The following PLCL1 variants were observed in gnomAD, a reference collection of about 807,000 sequenced individuals.
PLCL1 encodes inactive phospholipase C-like protein 1.
Under a neutral mutation model 84.4 loss-of-function variants are expected in PLCL1, and 41 were observed. The ratio of observed to expected loss-of-function variants is 0.49; its 90% CI spans 0.38 to 0.63. The LOEUF (loss-of-function observed/expected upper bound fraction) is 0.63, where lower values mean the gene tolerates loss of function less well. Among genes scored for constraint, PLCL1 ranks in the 30% least tolerant of loss-of-function variants. The pLI, the probability that PLCL1 is intolerant of heterozygous loss-of-function variation, is 0.00. For synonymous variants in PLCL1, 490 were observed against 488.3 expected (o/e 1.00, Z -0.05); for missense variants, 1,206 against 1,367.8 (o/e 0.88, Z 1.87).
chr2:197,997,452 C>A (rs1690494128), intron 1 of PLCL1, among the ~76,000 whole-genome samples: 1 of 152,180 alleles, frequency 6.6e-6, no homozygotes, highest in South Asian at 2.1e-4. Flanking sequence ...GTTATCATAA[C>A]CTGCAGCCAC....
chr2:198,099,186 G>A (rs1235614895), intron 3 of PLCL1, among the ~76,000 whole-genome samples: 1 of 152,068 alleles, frequency 6.6e-6, no homozygotes, highest in African/African-American at 2.4e-5. Flanking sequence ...GAGTCGTGCT[G>A]ACTTCCCGGC....
chr2:198,004,471 A>G (rs1690679556), intron 1 of PLCL1, among the ~76,000 whole-genome samples: 1 of 152,236 alleles, frequency 6.6e-6, no homozygotes, highest in African/African-American at 2.4e-5. Context: ...CTTACTTCCA[A>G]CATTAATTCT....
chr2:198,001,131 T>C (rs1045108372), intron 1 of PLCL1, among the ~76,000 whole-genome samples: 2 of 152,160 alleles, frequency 1.3e-5, no homozygotes, highest in Non-Finnish European at 1.5e-5. Flanking sequence ...GTAACCTACA[T>C]AGAATACCTG....
At chr2:198,067,729 T>C (rs1211471858) in intron 1 of PLCL1, among the ~76,000 whole-genome samples, 1 of 152,222 alleles carries the variant, frequency 6.6e-6, no homozygotes, top group Non-Finnish European at 1.5e-5. Flanking sequence ...TGTTGTTCAG[T>C]CTCCTGTGTC....
rs113375419 is a variant in PLCL1, at chr2:198,139,935, CT to C, written c.3106-6833del. Reference sequence around the variant, plus strand: ...AGAATTTGAAACATTAAATTTCATACTTTTTTTTTTTTCCCCGAGATGGAGT... The same window carrying C: ...AGAATTTGAAACATTAAATTTCATACTTTTTTTTTTTCCCCGAGATGGAGT... On this transcript the variant is annotated intron_variant, in intron 5 of 5. Transcript: ENST00000428675. 1.7e-3 allele frequency among the ~76,000 whole-genome samples: 254 copies of C among 146,432 alleles called. 1 individual carries two copies. The highest frequency in any genetic ancestry group is 2.2e-3 in the East Asian group (11 of 5,070).
chr2:197,905,569 G>A (rs903221454), intron 1 of PLCL1, among the ~76,000 whole-genome samples: 1 of 152,188 alleles, frequency 6.6e-6, no homozygotes, highest in African/African-American at 2.4e-5. Context: ...ATGTGCATGT[G>A]TCTTTATAAT....
Position 198,056,517 on chromosome 2 carries a change from G to A in PLCL1, c.241-27241G>A, listed in dbSNP as rs192632093. Among the ~76,000 whole-genome samples the A allele has an allele frequency of 6.6e-3, 1,009 of 152,226 alleles. 9 individuals carry two copies. The highest frequency in any genetic ancestry group is 0.017 in the South Asian group (81 of 4,816). On this transcript the variant is annotated intron_variant, in intron 1 of 5. Transcript: ENST00000428675. ...TTATCTTTCCACTTCGTGATCTTGGGCAGGTTACTTAATCTTTCAAAGCCT... is the reference window on the plus strand; with the variant it reads ...TTATCTTTCCACTTCGTGATCTTGGACAGGTTACTTAATCTTTCAAAGCCT...
chr2:198,049,793 A>C (rs532823181), intron 1 of PLCL1, among the ~76,000 whole-genome samples: 27 of 152,358 alleles, frequency 1.8e-4, no homozygotes, highest in African/African-American at 6.5e-4. Flanking sequence ...TTAACAGATG[A>C]CAACTTCCAT....
At chr2:197,897,202 TTC>T (rs1438110736) in intron 1 of PLCL1, among the ~76,000 whole-genome samples, 1 of 14,854 alleles carries the variant, frequency 6.7e-5, no homozygotes, top group African/African-American at 2.7e-4. Flanking sequence ...CTTCTCCTTC[TTC>T]TTTCTTCTTC....
chr2:197,855,965 G>A (rs1687323686), intron 1 of PLCL1, among the ~76,000 whole-genome samples: 1 of 152,174 alleles, frequency 6.6e-6, no homozygotes, highest in Non-Finnish European at 1.5e-5. Flanking sequence ...AAGGGCACCT[G>A]TTTTAGCTTG....
intron 1 of PLCL1, among the ~76,000 whole-genome samples, chr2:197,834,899 C>T (rs1364751972): frequency 1.3e-5 from 2 of 152,166 alleles, no homozygotes; most frequent in Admixed American, 6.5e-5. Flanking sequence ...GGAACTAACC[C>T]AAATGTCCAT....
chr2:197,901,147 A>G (rs1191182109), intron 1 of PLCL1, among the ~76,000 whole-genome samples: 1 of 152,262 alleles, frequency 6.6e-6, no homozygotes, highest in Non-Finnish European at 1.5e-5. Context: ...TAAGGGCTAC[A>G]GACAATAGAA....
chr2:197,950,895 C>G (rs939446375), intron 1 of PLCL1, among the ~76,000 whole-genome samples: 1 of 152,062 alleles, frequency 6.6e-6, no homozygotes, highest in African/African-American at 2.4e-5. Context: ...CTTAGGTTAT[C>G]TGAGGCCAGA....
chr2:198,032,567 T>G (rs2105850742), intron 1 of PLCL1, among the ~76,000 whole-genome samples: 1 of 152,306 alleles, frequency 6.6e-6, no homozygotes. Flanking sequence ...TTAACATTTT[T>G]TTTAGGCCAG....
intron 1 of PLCL1, among the ~76,000 whole-genome samples, chr2:197,906,336 T>A (rs1688381765): frequency 6.6e-6 from 1 of 152,144 alleles, no homozygotes. Flanking sequence ...TATTGCTTTT[T>A]TTTTTTGTCA....
At chr2:197,826,286 G>A (rs1485927967) in intron 1 of PLCL1, among the ~76,000 whole-genome samples, 4 of 152,080 alleles carry the variant, frequency 2.6e-5, no homozygotes, top group African/African-American at 4.8e-5. Context: ...ATCTACCTAC[G>A]CTTCATCCTG....
chr2:197,928,070 T>C (rs1688866557), intron 1 of PLCL1, among the ~76,000 whole-genome samples: 10 of 152,178 alleles, frequency 6.6e-5, no homozygotes, highest in Admixed American at 6.5e-4. Context: ...TATATCTGCA[T>C]CTAGTCATTA....
At chr2:197,994,873 G>A (rs867878839) in intron 1 of PLCL1, among the ~76,000 whole-genome samples, 5 of 152,176 alleles carry the variant, frequency 3.3e-5, no homozygotes, top group African/African-American at 1.2e-4. Context: ...CAAAGCAGAC[G>A]TGTCCTAGGC....
chr2:198,131,951 C>T (rs1392960833), intron 5 of PLCL1, among the ~76,000 whole-genome samples: 1 of 152,190 alleles, frequency 6.6e-6, no homozygotes, highest in Non-Finnish European at 1.5e-5. Flanking sequence ...TTGAAGCAGG[C>T]TTTAGAGGAC....
Sources: allele counts gnomAD v4.1 joint callset (sites outside exome capture counted in the v4.1 genomes callset), GRCh38; gene constraint gnomAD v4.1.1; transcripts MANE v1.5; gene names NCBI Gene and HGNC (gene_info 2026-07-23, HGNC 2026-07-21).